Variants in SPAG16 observed in about 807,000 individuals in gnomAD.
SPAG16 encodes sperm-associated antigen 16 protein.
Under a neutral mutation model 80.4 loss-of-function variants are expected in SPAG16, and 86 were observed. That is an observed-to-expected ratio of 1.07 (90% CI 0.90 to 1.28). The LOEUF (loss-of-function observed/expected upper bound fraction) is 1.28. Ranked by LOEUF, SPAG16 falls within the 50% of genes most tolerant of loss-of-function variation. The pLI, the probability that SPAG16 is intolerant of heterozygous loss-of-function variation, is 0.00. For missense variants in SPAG16, 870 were observed against 765.3 expected, an observed-to-expected ratio of 1.14 and a Z score of -1.61; for synonymous variants, 294 against 265.9, an observed-to-expected ratio of 1.11 and a Z score of -1.03.
chr2:213,505,906 G>C (rs777398958), intron 10 of SPAG16, among the ~76,000 whole-genome samples: 7 of 151,368 alleles, frequency 4.6e-5, no homozygotes, highest in South Asian at 2.1e-4. Flanking sequence ...TTATATATCT[G>C]ATTAATATTA....
intron 12 of SPAG16, among the ~76,000 whole-genome samples, chr2:213,971,534 G>C (rs10204975): frequency 6.6e-6 from 1 of 151,748 alleles, no homozygotes; most frequent in Non-Finnish European, 1.5e-5. Context: ...CATTTTAAAC[G>C]TAGAGTTTTC....
intron 15 of SPAG16, among the ~76,000 whole-genome samples, chr2:214,362,077 A>G (rs1699225753): frequency 6.6e-6 from 1 of 151,862 alleles, no homozygotes; most frequent in Non-Finnish European, 1.5e-5. Context: ...TACAGGAGCA[A>G]AGTTTTATTT....
At chr2:214,043,631 T>G (rs1575951594) in intron 13 of SPAG16, among the ~76,000 whole-genome samples, 1 of 152,198 alleles carries the variant, frequency 6.6e-6, no homozygotes, top group East Asian at 1.9e-4. Flanking sequence ...GAACAATTCA[T>G]TTACCTGGTT....
intron 15 of SPAG16, among the ~76,000 whole-genome samples, chr2:214,404,931 A>T (rs1303794783): frequency 6.6e-6 from 1 of 152,088 alleles, no homozygotes; most frequent in Non-Finnish European, 1.5e-5. Context: ...AGATTAATGG[A>T]TATATATAGT....
chr2:213,385,778 T>A lies in SPAG16; in HGVS notation c.942+10659T>A, dbSNP rs1350871343. On this transcript the variant is annotated intron_variant, in intron 9 of 15. Transcript: ENST00000331683. ...GATTTTTAAGTACGTTGTCTCAGATTTCTTCATCTCTGTCCACACACACAC... is the reference window on the plus strand; with the variant it reads ...GATTTTTAAGTACGTTGTCTCAGATATCTTCATCTCTGTCCACACACACAC... Among the ~76,000 whole-genome samples, 3 of 102,780 alleles carry A rather than the reference T, an allele frequency of 2.9e-5. No individual in the cohort carries two copies. The East Asian group carries it at 9.2e-4, about 32-fold the overall frequency. The allele number at this position is 102,780 out of a possible 152,430, so 67.4% of individuals were successfully genotyped here. A position where few individuals can be genotyped will look rare whatever the true frequency, so the allele number is the denominator to read the frequency against.
chr2:213,434,540 GA>G (rs2070507891), intron 9 of SPAG16, among the ~76,000 whole-genome samples: 1 of 152,198 alleles, frequency 6.6e-6, no homozygotes, highest in Non-Finnish European at 1.5e-5. Flanking sequence ...ACAACTTGCA[GA>G]ATAGGAGAAA....
intron 10 of SPAG16, among the ~76,000 whole-genome samples, chr2:213,654,987 G>A (rs562243513): frequency 1.3e-5 from 2 of 152,176 alleles, no homozygotes; most frequent in East Asian, 1.9e-4. Flanking sequence ...AATATACATC[G>A]AGCATTACAT....
rs537506135 is a variant in SPAG16 at position 213,378,513 on chromosome 2, G to A, written c.942+3394G>A. ...TACATAAAGTTAACAATACTTAAAT[G>A]TTGATGTGAAGTCAGTAAATCCTTA... On this transcript the variant is annotated intron_variant, in intron 9 of 15. Coordinates refer to ENST00000331683, the MANE Select transcript of SPAG16 (RefSeq NM_024532.5). Among the ~76,000 whole-genome samples the A allele has an allele frequency of 6.2e-3, 732 of 118,410 alleles. 1 individual carries two copies. The highest frequency in any genetic ancestry group is 9.6e-3 in the South Asian group (28 of 2,928). 77.7% of individuals were successfully genotyped at this position (118,410 alleles called of 152,430 possible). A position where few individuals can be genotyped will look rare whatever the true frequency, so the allele number is the denominator to read the frequency against.
intron 5 of SPAG16, among the ~76,000 whole-genome samples, chr2:213,322,229 T>C (rs1294799186): frequency 1.3e-5 from 2 of 150,728 alleles, no homozygotes; most frequent in East Asian, 3.9e-4. Flanking sequence ...TGGTCTGAAG[T>C]TTATAAATAA....
rs141722512 is a variant in SPAG16, at chr2:214,295,410, TACTC to T, written c.1721-114727_1721-114724del. Among the ~76,000 whole-genome samples the T allele has an allele frequency of 0.015, 2,235 of 152,310 alleles. 142 individuals carry two copies. The East Asian group carries it at 0.2, about 14-fold the overall frequency. On this transcript the variant is annotated intron_variant, in intron 15 of 15. Coordinates refer to ENST00000331683, the MANE Select transcript of SPAG16 (RefSeq NM_024532.5). ...TTTATTAAGCGTATTTTTTTAATCT[TACTC>T]ACAATAAATAATTTATACCAACAAT...
intron 15 of SPAG16, among the ~76,000 whole-genome samples, chr2:214,339,306 TC>T (rs1697505902): frequency 6.6e-6 from 1 of 152,126 alleles, no homozygotes. Context: ...TCTTCAAATA[TC>T]TCTTGTTGGT....
chr2:213,335,703 G>T (rs572588926), intron 5 of SPAG16, among the ~76,000 whole-genome samples: 1 of 152,236 alleles, frequency 6.6e-6, no homozygotes, highest in Non-Finnish European at 1.5e-5. Context: ...ATAATTTCTT[G>T]CACGTATAAG....
At chr2:214,354,914 T>G (rs2126057533) in intron 15 of SPAG16, among the ~76,000 whole-genome samples, 1 of 152,028 alleles carries the variant, frequency 6.6e-6, no homozygotes, top group African/African-American at 2.4e-5. Flanking sequence ...GACAGTGGGG[T>G]TTTCTAGATA....
chr2:214,129,208 C>A lies in SPAG16; in HGVS notation c.1594-19932C>A, dbSNP rs537035794. 2.6e-5 allele frequency among the ~76,000 whole-genome samples: 4 copies of A among 152,286 alleles called. No individual in the cohort carries two copies. The South Asian group carries it at 6.2e-4, about 24-fold the overall frequency. The stretch of plus-strand genomic sequence containing the variant: ...TTCTGTACACTCTGCCTCGCAAATT[C>A]TACCTGCCTTGGCATCCCTGGACCC... On this transcript the variant is annotated intron_variant, in intron 14 of 15. Coordinates refer to ENST00000331683, the MANE Select transcript of SPAG16 (RefSeq NM_024532.5).
chr2:213,502,836 G>A (rs2074801537), intron 10 of SPAG16, among the ~76,000 whole-genome samples: 1 of 152,152 alleles, frequency 6.6e-6, no homozygotes, highest in Non-Finnish European at 1.5e-5. Flanking sequence ...GAAAGAACTG[G>A]CTCTTCTTTA....
At chr2:213,372,296 G>GT (rs765197542) in intron 8 of SPAG16, among the ~76,000 whole-genome samples, 74 of 152,130 alleles carry the variant, frequency 4.9e-4, no homozygotes, top group Middle Eastern at 6.8e-3. Context: ...ATCTTATAAT[G>GT]TATAGGAAAT....
intron 10 of SPAG16, among the ~76,000 whole-genome samples, chr2:213,563,255 T>A (rs2059653287): frequency 6.6e-6 from 1 of 152,250 alleles, no homozygotes; most frequent in Admixed American, 6.5e-5. Context: ...ATGACAGATT[T>A]TTTTTTCACA....
At chr2:213,685,080 T>G (rs2064595685) in intron 10 of SPAG16, among the ~76,000 whole-genome samples, 2 of 152,198 alleles carry the variant, frequency 1.3e-5, no homozygotes, top group Non-Finnish European at 1.5e-5. Flanking sequence ...GGGAAAGATC[T>G]GCCCAGACAG....
At chr2:213,776,985 A>G (rs1255981219) in intron 10 of SPAG16, among the ~76,000 whole-genome samples, 2 of 152,200 alleles carry the variant, frequency 1.3e-5, no homozygotes, top group East Asian at 3.9e-4. Flanking sequence ...TGTAAGATTA[A>G]AAAAAGAAAC....
Sources: allele counts gnomAD v4.1 joint callset (sites outside exome capture counted in the v4.1 genomes callset), GRCh38; gene constraint gnomAD v4.1.1; transcripts MANE v1.5; gene names NCBI Gene and HGNC (gene_info 2026-07-23, HGNC 2026-07-21).